The following KIF4A variants were observed in gnomAD, a reference collection of about 807,000 sequenced individuals.
The protein encoded by KIF4A is chromosome-associated kinesin KIF4A.
Under a neutral mutation model 105.9 loss-of-function variants are expected in KIF4A, and 7 were observed. That is an observed-to-expected ratio of 0.07 (90% CI 0.04 to 0.12). The LOEUF (loss-of-function observed/expected upper bound fraction) is 0.12, where lower values mean the gene tolerates loss of function less well. KIF4A is among the 10% of genes least tolerant of loss of function. The pLI is 1.00. For synonymous variants in KIF4A, 281 were observed against 331.3 expected (o/e 0.85, Z 1.65); for missense variants, 558 against 929.2 (o/e 0.60, Z 5.19).
rs1210049759 is a variant in KIF4A at position 70,325,155 on chromosome X, C to G, written c.779-4250C>G. Among the ~76,000 whole-genome samples, 3 of 112,360 alleles carry G rather than the reference C, an allele frequency of 2.7e-5. No individual in the cohort carries two copies. In the East Asian group the frequency reaches 8.2e-4, roughly 31 times the overall value. The stretch of plus-strand genomic sequence containing the variant: ...CTTTTTAAAAAATAAAACCTTACAA[C>G]AAATTCTAACATTTGAAATAGATTT... On this transcript the variant is annotated intron_variant, in intron 7 of 30. Coordinates refer to ENST00000374403, the MANE Select transcript of KIF4A (RefSeq NM_012310.5).
chrX:70,343,956 C>G lies in KIF4A; in HGVS notation c.1405C>G (p.Leu469Val). ...AGAAAATGTAGAGATAATTTGTAAC[C>G]TGCAGCAATTGATTACCCAGTTATC... Reference protein sequence around the residue: ...LKENVEIICNLQQLITQLSDE... With the variant: ...LKENVEIICNVQQLITQLSDE... The change falls in exon 13 of 31, where the codon CTG becomes GTG. Residue 469 changes from leucine (L) to valine (V), a missense_variant. This residue lies in a region of KIF4A where 469 missense variants were observed against 680.4 expected (regional missense o/e 0.69). Coordinates refer to ENST00000374403, the MANE Select transcript of KIF4A (RefSeq NM_012310.5). 8.3e-7 allele frequency: 1 copy of G among 1,206,173 alleles called. No individual in the cohort carries two copies. The highest frequency in any genetic ancestry group is 1.1e-6 in the Non-Finnish European group (1 of 890,744).
At chrX:70,400,828 C>T (rs1444377842) in intron 22 of KIF4A, among the ~76,000 whole-genome samples, 1 of 110,195 alleles carries the variant, frequency 9.1e-6, no homozygotes, top group African/African-American at 3.3e-5. Flanking sequence ...AGTGCAATGA[C>T]GTGATCTCGG....
intron 18 of KIF4A, among the ~76,000 whole-genome samples, chrX:70,384,402 A>T: frequency 9.0e-6 from 1 of 111,326 alleles, no homozygotes; most frequent in East Asian, 2.8e-4. Flanking sequence ...GGATGGAGAG[A>T]CCTAGAAAAT....
intron 10 of KIF4A, among the ~76,000 whole-genome samples, chrX:70,340,532 A>G: frequency 8.9e-6 from 1 of 111,836 alleles, no homozygotes; most frequent in Non-Finnish European, 1.9e-5. Flanking sequence ...GGAAGTTTTC[A>G]GTTTAATAAA....
intron 15 of KIF4A, among the ~76,000 whole-genome samples, chrX:70,356,547 A>G (rs909936173): frequency 8.9e-6 from 1 of 112,464 alleles, no homozygotes; most frequent in Non-Finnish European, 1.9e-5. Context: ...TGGGTGACAG[A>G]GTGAGACCCT....
rs1443359249 is a variant in KIF4A, at chrX:70,373,558, G to A, written c.1675-593G>A. ...TATATATATATATATATATATATAC[G>A]TATATATATACATATATACGTGTAT... On this transcript the variant is annotated intron_variant, in intron 15 of 30. Transcript: ENST00000374403. 4.1e-3 allele frequency among the ~76,000 whole-genome samples: 48 copies of A among 11,841 alleles called. 15 individuals are homozygous for A. Among genetic ancestry groups the A allele is most frequent in the Non-Finnish European group, 7.4e-3 (39 of 5,238 alleles). The allele number at this position is 11,841 out of a possible 115,157, so 10.3% of individuals were successfully genotyped here.
intron 29 of KIF4A, 151 bp from the exon 30 acceptor site, chrX:70,419,510 C>A: frequency 1.6e-6 from 1 of 640,401 alleles, no homozygotes; most frequent in Non-Finnish European, 2.5e-6. Context: ...GTGTCAAACA[C>A]TATGACCTCC....
chrX:70,357,629 A>G (rs1418143232), intron 15 of KIF4A, among the ~76,000 whole-genome samples: 1 of 112,378 alleles, frequency 8.9e-6, no homozygotes, highest in East Asian at 2.8e-4. Flanking sequence ...AAAGCTTTGC[A>G]TGTCTGAAAA....
intron 13 of KIF4A, 99 bp downstream of exon 13, chrX:70,344,081 C>A: frequency 1.6e-6 from 1 of 615,028 alleles, no homozygotes. Context: ...GCTGAAACAA[C>A]TAGATTGTGA....
intron 7 of KIF4A, among the ~76,000 whole-genome samples, chrX:70,308,930 G>A (rs1236322315): frequency 1.8e-5 from 2 of 112,164 alleles, no homozygotes; most frequent in Non-Finnish European, 3.8e-5. Context: ...TTTGTATCCC[G>A]TGTATATAAG....
In KIF4A at chrX:70,343,965, T is replaced by C. The variant is rs1252391501; in HGVS notation, c.1414T>C (p.Leu472=). The C allele has an allele frequency of 2.5e-6, 3 of 1,202,250 alleles. No homozygotes were observed. In the African/African-American group the frequency reaches 5.2e-5, roughly 21 times the overall value. Residue 472 remains leucine (L), a synonymous_variant, in exon 13 of 31, where the codon TTG becomes CTG. Coordinates refer to ENST00000374403, the MANE Select transcript of KIF4A (RefSeq NM_012310.5). ...NVEIICNLQQ[L]ITQLSDETVA... is the part of the protein sequence containing the mutation. ...AGAGATAATTTGTAACCTGCAGCAA[T>C]TGATTACCCAGTTATCGGTAAGCCA...
At chrX:70,358,964 T>C (rs2086062811) in intron 15 of KIF4A, among the ~76,000 whole-genome samples, 1 of 112,148 alleles carries the variant, frequency 8.9e-6, no homozygotes, top group East Asian at 2.8e-4. Context: ...TCCCTGCTAT[T>C]AGCTGTGTCC....
chrX:70,402,550 G>C lies in KIF4A; in HGVS notation c.2490-16G>C. 8.3e-7 allele frequency: 1 copy of C among 1,210,404 alleles called. No homozygotes were observed. The highest frequency in any genetic ancestry group is 1.1e-6 in the Non-Finnish European group (1 of 894,618). On this transcript the variant is annotated splice_polypyrimidine_tract_variant and intron_variant, in intron 22 of 30. Coordinates refer to ENST00000374403, the MANE Select transcript of KIF4A (RefSeq NM_012310.5). ...CAGGCTACTTGCAATAAGGCTTACT[G>C]TTTCTTTCCCTGAAGGAGTGCTCAG...
chrX:70,385,646 C>T (rs2086214923), intron 18 of KIF4A, among the ~76,000 whole-genome samples: 1 of 111,183 alleles, frequency 9.0e-6, no homozygotes, highest in African/African-American at 3.3e-5. Context: ...AGTATGCTGG[C>T]AAAGACATGA....
At chrX:70,382,631 G>A (rs1295933425) in intron 18 of KIF4A, among the ~76,000 whole-genome samples, 3 of 111,075 alleles carry the variant, frequency 2.7e-5, no homozygotes, top group Non-Finnish European at 5.7e-5. Context: ...AAAATTAAAA[G>A]CTTTTGCATT....
At position 70,326,565 on chromosome X, in the gene KIF4A, C is replaced by A. The variant is rs772711229; in HGVS notation, c.779-2840C>A. On this transcript the variant is annotated intron_variant, in intron 7 of 30. Transcript: ENST00000374403. ...TATATTTCTCTTTTAAAGTTAAAAT[C>A]TCTCCTTTATTATTTATTTGTTGCC... Among the ~76,000 whole-genome samples the A allele has an allele frequency of 2.7e-5, 3 of 112,382 alleles. No individual in the cohort carries two copies. In the East Asian group the frequency reaches 8.4e-4, roughly 31 times the overall value.
rs1602795063 is a variant in KIF4A at position 70,387,357 on chromosome X, A to G, written c.2232+60A>G. On this transcript the variant is annotated intron_variant, in intron 20 of 30. Coordinates refer to ENST00000374403, the MANE Select transcript of KIF4A (RefSeq NM_012310.5). ...ACACTGGGAACAGGAAAAAAGGAGA[A>G]ATAGCTTTTTTTTTTTCCTTTTTTT... 14 of 877,020 alleles carry G rather than the reference A, an allele frequency of 1.6e-5. No individual in the cohort carries two copies. The East Asian group carries it at 4.4e-4, about 28-fold the overall frequency. 72.3% of individuals were successfully genotyped at this position (877,020 alleles called of 1,213,427 possible). A position where few individuals can be genotyped will look rare whatever the true frequency, so the allele number is the denominator to read the frequency against.
chrX:70,412,742 G>A (rs1251633341), intron 28 of KIF4A, among the ~76,000 whole-genome samples: 1 of 110,815 alleles, frequency 9.0e-6, no homozygotes, highest in Admixed American at 9.7e-5. Flanking sequence ...GGGCAACGTG[G>A]TGAAACCCTG....
chrX:70,331,057 C>T (rs1292610539), intron 9 of KIF4A, among the ~76,000 whole-genome samples: 1 of 111,612 alleles, frequency 9.0e-6, no homozygotes, highest in Non-Finnish European at 1.9e-5. Context: ...GCAATTAGCC[C>T]ACCCATGTTC....
Sources: allele counts gnomAD v4.1 joint callset (sites outside exome capture counted in the v4.1 genomes callset), GRCh38; gene constraint gnomAD v4.1.1; regional missense constraint gnomAD v4.1.1; transcripts MANE v1.5; gene names NCBI Gene and HGNC (gene_info 2026-07-23, HGNC 2026-07-21).